The following DHX30 variants were observed in gnomAD, a reference collection of about 807,000 sequenced individuals.
DHX30 encodes the protein DExH-box helicase 30, also known as ATP-dependent RNA helicase DHX30.
In DHX30, 4 loss-of-function variants were observed where a neutral mutation model predicts 116.9. The ratio of observed to expected loss-of-function variants is 0.03; its 90% confidence interval spans 0.02 to 0.08. DHX30 has a LOEUF of 0.08. DHX30 is among the 10% of genes least tolerant of loss of function. The pLI is 1.00. For synonymous variants in DHX30, 697 were observed against 651.7 expected (o/e 1.07, Z -1.06); for missense variants, 871 against 1,595.1 (o/e 0.55, Z 7.73).
chr3:47,847,836 T>G lies in DHX30; in HGVS notation c.2166T>G (p.Val722=). ...AGGCCATATTCCAGCAGCCTCCAGT[T>G]GGGGTGCGCAAGATTGTCTTGGCCA... ...DQKAIFQQPP[V]GVRKIVLATN... The change falls in exon 14 of 22, where the codon GTT becomes GTG. Residue 722 remains valine (V), a synonymous_variant. Coordinates refer to ENST00000445061, the MANE Select transcript of DHX30 (RefSeq NM_138615.3). The surrounding 1 kb of genome is among the most constrained non-coding windows in gnomAD (Gnocchi z 5.5). 6.2e-7 allele frequency: 1 copy of G among 1,614,198 alleles called. No individual in the cohort carries two copies. Among genetic ancestry groups the G allele is most frequent in the Non-Finnish European group, 8.5e-7 (1 of 1,180,022 alleles).
chr3:47,832,627 CTTT>C (rs1232599849), intron 6 of DHX30, among the ~76,000 whole-genome samples: 1 of 142,740 alleles, frequency 7.0e-6, no homozygotes, highest in Admixed American at 7.0e-5. Context: ...ACATCTAATT[CTTT>C]TTTTTTTTTT....
intron 8 of DHX30, 137 bp from the exon 9 acceptor site, chr3:47,842,969 C>G: frequency 8.9e-7 from 1 of 1,125,490 alleles, no homozygotes; most frequent in Non-Finnish European, 1.3e-6. Flanking sequence ...GCAGCAGCAC[C>G]TCTAGCATGG....
At chr3:47,813,145 T>C (rs1249741954) in intron 3 of DHX30, among the ~76,000 whole-genome samples, 2 of 151,762 alleles carry the variant, frequency 1.3e-5, no homozygotes, top group African/African-American at 2.4e-5. Flanking sequence ...GAGACCATCC[T>C]GGCCAATATG....
At chr3:47,823,606 C>T (rs1418903238) in intron 4 of DHX30, among the ~76,000 whole-genome samples, 1 of 152,202 alleles carries the variant, frequency 6.6e-6, no homozygotes, top group African/African-American at 2.4e-5. Flanking sequence ...TCATGATCCG[C>T]CTGCCTCAGC....
intron 3 of DHX30, among the ~76,000 whole-genome samples, chr3:47,811,664 G>T (rs2106944693): frequency 6.6e-6 from 1 of 152,284 alleles, no homozygotes; most frequent in Middle Eastern, 3.4e-3. Flanking sequence ...TTCTGGGGAG[G>T]ACTCAGGGAG....
chr3:47,818,197 C>A (rs2036144109), intron 4 of DHX30, 80 bp downstream of exon 4: 1 of 729,216 alleles, frequency 1.4e-6, no homozygotes, highest in South Asian at 1.5e-5. Context: ...GCCCTGGTGC[C>A]AGGGCCACAG....
chr3:47,849,751 G>A lies in DHX30; in HGVS notation c.3313G>A (p.Gly1105Arg), dbSNP rs1326693766. 4 of 1,613,402 alleles carry A rather than the reference G, an allele frequency of 2.5e-6. No homozygotes were observed. Among genetic ancestry groups the A allele is most frequent in the Admixed American group, 1.7e-5 (1 of 59,974 alleles). ...HPLAVLLLTD[G>R]DVHIRDDGRR... Reference sequence around the variant, plus strand: ...GCTAGCTGTGCTGCTGCTGACCGACGGGGACGTGCACATCCGTGGTGGGTG... The same window carrying A: ...GCTAGCTGTGCTGCTGCTGACCGACAGGGACGTGCACATCCGTGGTGGGTG... Residue 1105 changes from glycine (G) to arginine (R), a missense_variant, in exon 21 of 22, where the codon GGG becomes AGG. By Grantham distance (125) the Gly-to-Arg change is moderately radical. Around this residue, in one of 13 missense-constraint regions of DHX30, gnomAD observed 238 missense variants for 481.0 expected, o/e 0.49. Coordinates refer to ENST00000445061, the MANE Select transcript of DHX30 (RefSeq NM_138615.3).
intron 3 of DHX30, chr3:47,817,118 G>C (rs145992574): frequency 3.2e-6 from 1 of 313,202 alleles, no homozygotes; most frequent in East Asian, 1.7e-4. Flanking sequence ...GGTTTCTCAA[G>C]CTTCAGGTGT....
chr3:47,807,121 A>G (rs1308151058), intron 2 of DHX30, among the ~76,000 whole-genome samples: 1 of 151,620 alleles, frequency 6.6e-6, no homozygotes, highest in African/African-American at 2.4e-5. Context: ...CAGGAGAATC[A>G]TTTGAATCCG....
chr3:47,811,410 T>C (rs2035783469), intron 3 of DHX30, among the ~76,000 whole-genome samples: 1 of 152,182 alleles, frequency 6.6e-6, no homozygotes, highest in African/African-American at 2.4e-5. Flanking sequence ...ATTTTGTCAC[T>C]AGATTGGAAG....
chr3:47,825,348 C>A (rs2036504806), intron 4 of DHX30: 1 of 538,806 alleles, frequency 1.9e-6, no homozygotes, highest in South Asian at 2.3e-5. Flanking sequence ...GCCGGGGGTC[C>A]TCTCTTCCAT....
At chr3:47,820,662 G>A (rs1377877710) in intron 4 of DHX30, among the ~76,000 whole-genome samples, 2 of 152,012 alleles carry the variant, frequency 1.3e-5, no homozygotes, top group Admixed American at 6.6e-5. Context: ...GCATTCTCCC[G>A]TGTATTCAGC....
intron 2 of DHX30, among the ~76,000 whole-genome samples, chr3:47,810,346 G>A (rs370689845): frequency 6.6e-6 from 1 of 152,176 alleles, no homozygotes; most frequent in Non-Finnish European, 1.5e-5. Context: ...AAGGAAACCT[G>A]TAAGTATTAT....
intron 4 of DHX30, chr3:47,825,219 T>A: frequency 1.6e-6 from 1 of 637,708 alleles, no homozygotes; most frequent in East Asian, 3.3e-5. Flanking sequence ...CCGGCGGGCC[T>A]GGGGAAGGCG....
intron 3 of DHX30, among the ~76,000 whole-genome samples, chr3:47,811,504 A>G (rs188040230): frequency 2.6e-5 from 4 of 152,256 alleles, no homozygotes; most frequent in Non-Finnish European, 5.9e-5. Context: ...CTCAGTAAAC[A>G]CTGGTGGAAG....
At position 47,841,725 on chromosome 3, in the gene DHX30, C is replaced by T. The variant is rs1056035600; in HGVS notation, c.777C>T (p.Ser259=). ...LAKVIQIATS[S]STAKNLMQFH... ...AGGTGATTCAGATTGCAACGTCATC[C>T]TCCACAGCTAAGGTGAGTTGGGTCT... Residue 259 remains serine, a synonymous_variant, in exon 8 of 22, where the codon TCC becomes TCT. Transcript: ENST00000445061. 2 of 1,614,128 alleles carry T rather than the reference C, an allele frequency of 1.2e-6. No individual in the cohort carries two copies. Among genetic ancestry groups the T allele is most frequent in the Admixed American group, 1.7e-5 (1 of 60,014 alleles).
At position 47,848,119 on chromosome 3, in the gene DHX30, G is replaced by C. The variant is rs907752442; in HGVS notation, c.2287-61G>C. The C allele has an allele frequency of 1.9e-6, 3 of 1,603,292 alleles. No individual in the cohort carries two copies. In the African/African-American group the frequency reaches 4.0e-5, roughly 21 times the overall value. ...GTAGGGGGCTGGTGAGGGTTACTCA[G>C]GGAGTGGGGAAGCACTGAGGAAGTG... On this transcript the variant is annotated intron_variant, in intron 14 of 21. Coordinates refer to ENST00000445061, the MANE Select transcript of DHX30 (RefSeq NM_138615.3). The surrounding 1 kb of genome is among the most constrained non-coding windows in gnomAD (Gnocchi z 9.4).
rs765248956 is a variant in DHX30 at position 47,848,896 on chromosome 3, G to A, written c.2770-24G>A. On this transcript the variant is annotated intron_variant, in intron 17 of 21. Coordinates refer to ENST00000445061, the MANE Select transcript of DHX30 (RefSeq NM_138615.3). The surrounding 1 kb of genome is among the most constrained non-coding windows in gnomAD (Gnocchi z 9.4). The stretch of plus-strand genomic sequence containing the variant: ...GTTGTCTAGCCCCTGCCTGTGATCC[G>A]GCTGCCCTCTTCTCCCCTCCCAGGT... The A allele has an allele frequency of 1.4e-5, 22 of 1,596,122 alleles. No homozygotes were observed. Among genetic ancestry groups the A allele is most frequent in the Admixed American group, 5.1e-5 (3 of 59,236 alleles).
chr3:47,825,065 C>T, intron 4 of DHX30: 3 of 665,742 alleles, frequency 4.5e-6, no homozygotes, highest in South Asian at 3.1e-5. Flanking sequence ...AGACTCATGG[C>T]GCTGGCCGCC....
Sources: gnomAD v4.1 joint callset for allele counts (sites outside exome capture counted in the v4.1 genomes callset) on GRCh38, gnomAD v4.1.1 for gene constraint, gnomAD v4.1.1 regional missense constraint, Gnocchi (gnomAD v3.1) non-coding constraint, MANE v1.5 for transcripts, NCBI Gene and HGNC (gene_info 2026-07-23, HGNC 2026-07-21) for gene names.